CA1: variants seen among roughly 807,000 people sequenced by gnomAD.
CA1 encodes carbonic anhydrase 1, also known as carbonate dehydratase I.
A neutral mutation model predicts 28.8 loss-of-function variants in CA1; 27 were observed. That is an observed-to-expected ratio of 0.94 (90% CI 0.69 to 1.29). The LOEUF (loss-of-function observed/expected upper bound fraction) is 1.29, where lower values mean the gene tolerates loss of function less well. CA1 is among the 50% of genes most tolerant of loss of function. The pLI is 0.00. For synonymous variants in CA1, 121 were observed against 108.8 expected, an observed-to-expected ratio of 1.11 and a Z score of -0.70; for missense variants, 335 against 310.5, an observed-to-expected ratio of 1.08 and a Z score of -0.59.
chr8:85,331,970 A>G (rs2130133492), intron 6 of CA1, among the ~76,000 whole-genome samples: 2 of 152,288 alleles, frequency 1.3e-5, no homozygotes, highest in South Asian at 4.1e-4. Context: ...ACAGTTCTCC[A>G]TGCTGCAAAA....
intron 4 of CA1, among the ~76,000 whole-genome samples, chr8:85,335,780 A>G (rs1808627845): frequency 6.6e-6 from 1 of 152,112 alleles, no homozygotes; most frequent in African/African-American, 2.4e-5. Context: ...ATTTTAATCT[A>G]CCTTCAATTT....
At position 85,338,438 on chromosome 8, in the gene CA1, A is replaced by G; in HGVS notation, c.49T>C (p.Trp17Arg). 1 of 1,613,818 alleles carries G rather than the reference A, an allele frequency of 6.2e-7. No homozygotes were observed. The highest frequency in any genetic ancestry group is 8.5e-7 in the Non-Finnish European group (1 of 1,179,796). ...TTGGCAATGGGATACAGCTTGCTCC[A>G]TTGTTCAGGACCTACCAGGACAAAC... Reference protein sequence around the residue: ...GYDDKNGPEQWSKLYPIANGN... With the variant: ...GYDDKNGPEQRSKLYPIANGN... Residue 17 changes from tryptophan (W) to arginine (R), a missense_variant, in exon 3 of 8, where the codon TGG (tryptophan) becomes CGG (arginine). By Grantham distance (101) the Trp-to-Arg change is moderately radical (BLOSUM62 -3). Coordinates refer to ENST00000523022, the MANE Select transcript of CA1 (RefSeq NM_001128831.4).
At chr8:85,341,425 G>T in intron 2 of CA1, 174 bp downstream of exon 2, 1 of 549,828 alleles carries the variant, frequency 1.8e-6, no homozygotes, top group Non-Finnish European at 3.2e-6. Context: ...TTTGTAGTCA[G>T]CCATGCCCCA....
At chr8:85,369,017 A>G (rs1585968433) in intron 1 of CA1, among the ~76,000 whole-genome samples, 1 of 152,164 alleles carries the variant, frequency 6.6e-6, no homozygotes, top group Non-Finnish European at 1.5e-5. Context: ...GCTGTAGCTC[A>G]GTGGCAGATC....
At chr8:85,354,562 G>A (rs1359138434) in intron 1 of CA1, among the ~76,000 whole-genome samples, 3 of 152,100 alleles carry the variant, frequency 2.0e-5, no homozygotes, top group Admixed American at 6.5e-5. Context: ...GAACAAGGAC[G>A]ACTTTTACAT....
rs185018918 is a variant in CA1 at position 85,331,113 on chromosome 8, T to C, written c.514-1269A>G. 6.4e-4 allele frequency among the ~76,000 whole-genome samples: 98 copies of C among 152,304 alleles called. 2 individuals are homozygous for C. The highest frequency in any genetic ancestry group is 1.1e-3 in the Non-Finnish European group (73 of 68,020). ...TTTTGTTTAATAGATACATTTTGAC[T>C]ATTGTTTAAATTTACTTTTAGGTTC... On this transcript the variant is annotated intron_variant, in intron 6 of 7. Transcript: ENST00000523022.
rs202036594 is a variant in CA1, at chr8:85,332,548, C to T, written c.455G>A (p.Gly152Asp). The T allele has an allele frequency of 4.1e-5, 66 of 1,611,552 alleles. No homozygotes were observed. The Admixed American group carries it at 6.2e-4, about 15-fold the overall frequency. The change falls in exon 6 of 8, where the codon GGT becomes GAT. Residue 152 changes from glycine (G) to aspartate (D), a missense_variant. Coordinates refer to ENST00000523022, the MANE Select transcript of CA1 (RefSeq NM_001128831.4). ...LAVIGVLMKV[G>D]EANPKLQKVL... ...TTTCTGCAGCTTTGGGTTGGCCTCA[C>T]CAACCTGGAGATTTAAGAAAATAAA...
chr8:85,355,163 C>T (rs747262994), intron 1 of CA1, among the ~76,000 whole-genome samples: 3 of 152,126 alleles, frequency 2.0e-5, no homozygotes, highest in Non-Finnish European at 4.4e-5. Context: ...CAAGTGACTG[C>T]TTGAACCAGA....
At chr8:85,359,278 T>C (rs1286511578) in intron 1 of CA1, among the ~76,000 whole-genome samples, 1 of 152,186 alleles carries the variant, frequency 6.6e-6, no homozygotes, top group Non-Finnish European at 1.5e-5. Context: ...AGAAAGGCCG[T>C]AACTGGAAGG....
At chr8:85,366,714 T>C (rs538094156) in intron 1 of CA1, among the ~76,000 whole-genome samples, 1 of 152,296 alleles carries the variant, frequency 6.6e-6, no homozygotes, top group African/African-American at 2.4e-5. Context: ...CAAAATAACC[T>C]AAACGGGAAT....
chr8:85,344,230 TATATAATATATAATTATATATTATATACA>T (rs1213812458), intron 1 of CA1, among the ~76,000 whole-genome samples: 3,390 of 111,130 alleles, frequency 0.031, 225 homozygotes, highest in African/African-American at 0.073. Context: ...TTATATACAG[TATATAATATATAATTATATATTATATACA>T]GTATATAATA....
chr8:85,344,220 TTATATACAGTATATAATATATAATTA>T (rs1564029443), intron 1 of CA1, among the ~76,000 whole-genome samples: 38 of 61,254 alleles, frequency 6.2e-4, no homozygotes, highest in Non-Finnish European at 2.6e-4. Flanking sequence ...TATAATTATA[TTATATACAGTATATAATATATAATTA>T]TATATTATAT....
chr8:85,355,549 CTTTTTTTTTTTTT>C (rs11353842), intron 1 of CA1, among the ~76,000 whole-genome samples: 1 of 108,700 alleles, frequency 9.2e-6, no homozygotes, highest in Non-Finnish European at 1.9e-5. Context: ...TGTCTAGTTC[CTTTTTTTTTTTTT>C]TTTTTTTTTT....
intron 1 of CA1, among the ~76,000 whole-genome samples, chr8:85,351,045 C>T (rs1015711765): frequency 6.6e-6 from 1 of 152,208 alleles, no homozygotes; most frequent in African/African-American, 2.4e-5. Context: ...TGGTTGCTTG[C>T]AGCTGGCAAC....
chr8:85,364,252 T>C (rs768826201), intron 1 of CA1, among the ~76,000 whole-genome samples: 1 of 152,226 alleles, frequency 6.6e-6, no homozygotes, highest in Non-Finnish European at 1.5e-5. Context: ...TATCCACTTG[T>C]GAAAATCTAA....
At chr8:85,338,525 T>A in intron 2 of CA1, 76 bp from the exon 3 acceptor site, 1 of 1,088,652 alleles carries the variant, frequency 9.2e-7, no homozygotes. Context: ...TAGTTACCTG[T>A]TTGCTTATTA....
chr8:85,333,405 C>T (rs569920638), intron 5 of CA1, 120 bp downstream of exon 5: 53 of 671,410 alleles, frequency 7.9e-5, no homozygotes, highest in Middle Eastern at 2.4e-4. Flanking sequence ...CTGTAGTCAT[C>T]GGTTAAATGG....
chr8:85,351,404 G>A (rs1210052040), intron 1 of CA1, among the ~76,000 whole-genome samples: 8 of 152,218 alleles, frequency 5.3e-5, no homozygotes, highest in African/African-American at 1.4e-4. Context: ...ATCTTTTAGC[G>A]GCAGCTAGGT....
At chr8:85,371,047 C>T (rs1374390216) in intron 1 of CA1, among the ~76,000 whole-genome samples, 1 of 152,138 alleles carries the variant, frequency 6.6e-6, no homozygotes, top group African/African-American at 2.4e-5. Context: ...GCTATAGTGA[C>T]TACTGCCATC....
Sources: gnomAD v4.1 joint callset for allele counts (sites outside exome capture counted in the v4.1 genomes callset) on GRCh38, gnomAD v4.1.1 for gene constraint, MANE v1.5 for transcripts, NCBI Gene and HGNC (gene_info 2026-07-23, HGNC 2026-07-21) for gene names.